Variants in ANO4 observed in about 807,000 individuals in gnomAD.
ANO4 encodes the protein anoctamin-4.
Under a neutral mutation model 141.9 loss-of-function variants are expected in ANO4, and 69 were observed. The observed-to-expected ratio is 0.49, with a 90% CI of 0.40 to 0.59. The LOEUF (loss-of-function observed/expected upper bound fraction) is 0.59. Among genes scored for constraint, ANO4 ranks in the 20% least tolerant of loss-of-function variants. The pLI, the probability that ANO4 is intolerant of heterozygous loss-of-function variation, is 0.00. For missense variants in ANO4, 894 were observed against 1,162.2 expected (o/e 0.77, Z 3.36); for synonymous variants, 350 against 394.3 (o/e 0.89, Z 1.33).
upstream of ANO4, among the ~76,000 whole-genome samples, chr12:100,791,268 G>T (rs1023707289): frequency 1.3e-5 from 2 of 152,086 alleles, no homozygotes; most frequent in South Asian, 2.1e-4. Context: ...GGTCCCATTG[G>T]GTATGGTGGC....
intron 3 of ANO4, among the ~76,000 whole-genome samples, chr12:100,748,526 A>G (rs1230105876): frequency 3.3e-5 from 5 of 152,212 alleles, no homozygotes; most frequent in Non-Finnish European, 7.3e-5. Context: ...TACAAAAACC[A>G]GGGCAATATA....
chr12:100,719,718 A>C lies in ANO4; in HGVS notation c.22+2171A>C, dbSNP rs77592636. 2.7e-3 allele frequency among the ~76,000 whole-genome samples: 414 copies of C among 152,322 alleles called. 2 individuals carry two copies. Among genetic ancestry groups the C allele is most frequent in the African/African-American group, 9.6e-3 (399 of 41,562 alleles). The stretch of plus-strand genomic sequence containing the variant: ...ACAAGATGAGAGAGAAATTTGGCTT[A>C]TGTAGGCATTTCATTAGCAGCAGCC... On this transcript the variant is annotated intron_variant, in intron 1 of 29. Coordinates refer to the ANO4 transcript ENST00000644049.
At chr12:100,728,585 C>G (rs1048548126) in intron 1 of ANO4, among the ~76,000 whole-genome samples, 1 of 152,134 alleles carries the variant, frequency 6.6e-6, no homozygotes, top group Non-Finnish European at 1.5e-5. Context: ...TTTTGAGCCC[C>G]TAATTCCTCA....
rs1033917207 is a variant in ANO4, at chr12:100,860,252, C to A, written c.-140-41394C>A. On this transcript the variant is annotated intron_variant, in intron 1 of 27. Coordinates refer to ENST00000392977, the MANE Select transcript of ANO4 (RefSeq NM_001286615.2). ...TGGACATTATAATTAGGGGGAAATT[C>A]TGATGCTAAAGCTTGGCCAGTGTAT... 3.9e-5 allele frequency among the ~76,000 whole-genome samples: 6 copies of A among 152,278 alleles called. No individual in the cohort carries two copies. The East Asian group carries it at 1.2e-3, about 29-fold the overall frequency.
chr12:100,762,942 G>C (rs576175626), intron 3 of ANO4, among the ~76,000 whole-genome samples: 1 of 152,266 alleles, frequency 6.6e-6, no homozygotes, highest in African/African-American at 2.4e-5. Context: ...TTATTCCACT[G>C]AGTCTTCAGA....
intron 5 of ANO4, among the ~76,000 whole-genome samples, chr12:100,961,266 T>C (rs2043406399): frequency 6.6e-6 from 1 of 152,208 alleles, no homozygotes; most frequent in African/African-American, 2.4e-5. Context: ...CTTTTCATAA[T>C]AGATCTAAGA....
intron 5 of ANO4, among the ~76,000 whole-genome samples, chr12:100,953,262 G>A (rs1387451902): frequency 6.6e-6 from 1 of 152,186 alleles, no homozygotes. Flanking sequence ...TCATGAATAT[G>A]ACACTAATTA....
At chr12:100,737,602 GCT>G (rs1321343510) in intron 2 of ANO4, among the ~76,000 whole-genome samples, 1 of 152,188 alleles carries the variant, frequency 6.6e-6, no homozygotes, top group Non-Finnish European at 1.5e-5. Flanking sequence ...TGAAGTCGTG[GCT>G]CTGTTGGGAG....
chr12:101,110,095 T>C (rs2050604428), intron 22 of ANO4, among the ~76,000 whole-genome samples: 1 of 152,166 alleles, frequency 6.6e-6, no homozygotes, highest in Non-Finnish European at 1.5e-5. Flanking sequence ...TCTCTTGTAT[T>C]GTCCCTACCG....
chr12:100,828,174 C>T (rs936518114), intron 1 of ANO4, among the ~76,000 whole-genome samples: 2 of 152,014 alleles, frequency 1.3e-5, no homozygotes, highest in Non-Finnish European at 2.9e-5. Context: ...CAGACCATTT[C>T]ATTATTTGTA....
At chr12:100,987,814 C>T in intron 8 of ANO4, 144 bp downstream of exon 8, 1 of 1,180,312 alleles carries the variant, frequency 8.5e-7, no homozygotes, top group Non-Finnish European at 1.2e-6. Flanking sequence ...TGTTCATATC[C>T]CTTTTATTTC....
At chr12:100,919,726 GTGTATGTA>G (rs201155811) in intron 2 of ANO4, among the ~76,000 whole-genome samples, 1 of 132,098 alleles carries the variant, frequency 7.6e-6, no homozygotes, top group Non-Finnish European at 1.6e-5. Context: ...GTATGTATGT[GTGTATGTA>G]TGTATCTATC....
chr12:101,079,169 T>C (rs372008163), intron 14 of ANO4, 24 bp from the exon 15 acceptor site: 21 of 1,605,850 alleles, frequency 1.3e-5, no homozygotes, highest in Non-Finnish European at 1.8e-5. Context: ...CAAAAATGTC[T>C]TTGTCTTTCT....
chr12:100,784,975 T>G (rs921748208), intron 3 of ANO4, among the ~76,000 whole-genome samples: 2 of 151,164 alleles, frequency 1.3e-5, no homozygotes, highest in Non-Finnish European at 2.9e-5. Context: ...TCTCTCTCTT[T>G]CTCTTTTTAA....
chr12:101,049,340 T>C (rs1010816108), intron 14 of ANO4, among the ~76,000 whole-genome samples: 2 of 152,214 alleles, frequency 1.3e-5, no homozygotes, highest in Non-Finnish European at 2.9e-5. Context: ...TGAAATGTCA[T>C]CTGCTCCAGC....
At chr12:101,125,832 G>A (rs905668709) in intron 26 of ANO4, among the ~76,000 whole-genome samples, 3 of 151,596 alleles carry the variant, frequency 2.0e-5, no homozygotes, top group Non-Finnish European at 4.4e-5. Context: ...AATGTTCATC[G>A]GGGATATTGG....
intron 1 of ANO4, among the ~76,000 whole-genome samples, chr12:100,813,493 A>G (rs1053075811): frequency 5.3e-5 from 8 of 152,160 alleles, no homozygotes; most frequent in African/African-American, 1.9e-4. Context: ...TATCCATCTC[A>G]GATCTTACTA....
intron 1 of ANO4, among the ~76,000 whole-genome samples, chr12:100,881,651 C>T (rs2039575291): frequency 6.6e-6 from 1 of 152,184 alleles, no homozygotes. Context: ...CTGTTCTCAA[C>T]CTCAGTTTCC....
Position 100,758,869 on chromosome 12 carries a change from A to T in ANO4, c.358+18764A>T, listed in dbSNP as rs1389910400. ...CTTTGGTTTGTGACAACATTACTCA[A>T]GTTTCTACCTCTGTCTACACATGGC... On this transcript the variant is annotated intron_variant, in intron 3 of 29. Transcript: ENST00000644049. Among the ~76,000 whole-genome samples, 4 of 151,968 alleles carry T rather than the reference A, an allele frequency of 2.6e-5. No individual in the cohort carries two copies. In the East Asian group the frequency reaches 5.8e-4, roughly 22 times the overall value.
Sources: gnomAD v4.1 joint callset for allele counts (sites outside exome capture counted in the v4.1 genomes callset) on GRCh38, gnomAD v4.1.1 for gene constraint, MANE v1.5 for transcripts, NCBI Gene and HGNC (gene_info 2026-07-23, HGNC 2026-07-21) for gene names.